Variants in MALRD1 observed in about 807,000 individuals in gnomAD.
MALRD1 encodes MAM and LDL receptor class A domain containing 1.
A neutral mutation model predicts 242.1 loss-of-function variants in MALRD1; 247 were observed. That is an observed-to-expected ratio of 1.02 (90% CI 0.92 to 1.13). The LOEUF (loss-of-function observed/expected upper bound fraction) is 1.13. MALRD1 is among the 50% of genes most tolerant of loss of function. The pLI, the probability that MALRD1 is intolerant of heterozygous loss-of-function variation, is 0.00. For synonymous variants in MALRD1, 995 were observed against 866.6 expected, an observed-to-expected ratio of 1.15 and a Z score of -2.60; for missense variants, 2,989 against 2,533.1, an observed-to-expected ratio of 1.18 and a Z score of -3.86.
At chr10:19,407,640 A>T (rs939639387) in intron 28 of MALRD1, among the ~76,000 whole-genome samples, 3 of 152,230 alleles carry the variant, frequency 2.0e-5, no homozygotes, top group African/African-American at 4.8e-5. Context: ...AGTGATCAGG[A>T]TAATGCAAAT....
At chr10:19,349,521 A>C (rs528048106) in intron 25 of MALRD1, among the ~76,000 whole-genome samples, 1 of 152,326 alleles carries the variant, frequency 6.6e-6, no homozygotes, top group South Asian at 2.1e-4. Context: ...TTTCAGTGAC[A>C]GAACTTGGTC....
intron 21 of MALRD1, among the ~76,000 whole-genome samples, chr10:19,293,805 C>T (rs1841561666): frequency 6.6e-6 from 1 of 152,058 alleles, no homozygotes; most frequent in African/African-American, 2.4e-5. Context: ...ACTTGGGTAC[C>T]AGCGTTATTA....
intron 36 of MALRD1, among the ~76,000 whole-genome samples, chr10:19,621,337 AGT>A (rs1461247181): frequency 2.4e-5 from 3 of 125,808 alleles, no homozygotes; most frequent in African/African-American, 9.1e-5. Context: ...TTAAAGTCTA[AGT>A]GTAAAAATAT....
Position 19,311,251 on chromosome 10 carries a change from A to C in MALRD1, c.3420-12698A>C, listed in dbSNP as rs116728623. Among the ~76,000 whole-genome samples the C allele has an allele frequency of 9.8e-3, 1,479 of 151,458 alleles. 21 individuals carry two copies. The highest frequency in any genetic ancestry group is 0.033 in the African/African-American group (1,365 of 41,430). On this transcript the variant is annotated intron_variant, in intron 21 of 39. Transcript: ENST00000454679. ...ATGCACAGATATGTTACTTTTATTA[A>C]CCTTGGTTATATTTTTCATGAGTAT...
At chr10:19,567,244 A>C (rs1564446269) in intron 32 of MALRD1, among the ~76,000 whole-genome samples, 1 of 152,132 alleles carries the variant, frequency 6.6e-6, no homozygotes, top group African/African-American at 2.4e-5. Flanking sequence ...TGCTTAAGAC[A>C]GTTACGGTTT....
At chr10:19,231,129 GA>G (rs1226714784) in intron 18 of MALRD1, among the ~76,000 whole-genome samples, 1 of 152,076 alleles carries the variant, frequency 6.6e-6, no homozygotes, top group African/African-American at 2.4e-5. Context: ...CATCCTTGGG[GA>G]CAACTCGTAT....
At chr10:19,473,458 C>G (rs1589131088) in intron 29 of MALRD1, among the ~76,000 whole-genome samples, 1 of 151,800 alleles carries the variant, frequency 6.6e-6, no homozygotes, top group East Asian at 1.9e-4. Flanking sequence ...AATTCTGTAC[C>G]TGTTGACAAT....
At chr10:19,114,651 A>C (rs1354512828) in intron 5 of MALRD1, among the ~76,000 whole-genome samples, 1 of 152,122 alleles carries the variant, frequency 6.6e-6, no homozygotes, top group African/African-American at 2.4e-5. Context: ...ATTTCCTAAA[A>C]AGACTTCTTT....
At chr10:19,272,655 G>T (rs760125188) in intron 19 of MALRD1, among the ~76,000 whole-genome samples, 4 of 152,066 alleles carry the variant, frequency 2.6e-5, no homozygotes, top group Non-Finnish European at 5.9e-5. Context: ...CATGCATTAG[G>T]TATTTGTCCT....
chr10:19,438,052 A>G (rs1440846989), intron 28 of MALRD1, among the ~76,000 whole-genome samples: 3 of 151,934 alleles, frequency 2.0e-5, no homozygotes, highest in East Asian at 3.9e-4. Flanking sequence ...ATTGTGGTAA[A>G]GTCTATTTAA....
At chr10:19,415,761 T>C (rs193196168) in intron 28 of MALRD1, among the ~76,000 whole-genome samples, 7 of 152,284 alleles carry the variant, frequency 4.6e-5, no homozygotes, top group Admixed American at 3.9e-4. Flanking sequence ...ACCAAAATTG[T>C]ATTAAGTGAA....
At chr10:19,726,725 C>T (rs1304352393) in intron 38 of MALRD1, among the ~76,000 whole-genome samples, 1 of 152,066 alleles carries the variant, frequency 6.6e-6, no homozygotes, top group Non-Finnish European at 1.5e-5. Context: ...AATGAATAAA[C>T]AAAATGTGAC....
chr10:19,234,857 AGGTGTCACGG>A (rs1564488082), intron 18 of MALRD1, among the ~76,000 whole-genome samples: 2 of 152,080 alleles, frequency 1.3e-5, no homozygotes, highest in Non-Finnish European at 2.9e-5. Context: ...CTCAGCATGG[AGGTGTCACGG>A]AAGGTGTTGT....
At chr10:19,707,234 C>CCTTCTCCTT in intron 38 of MALRD1, among the ~76,000 whole-genome samples, 1 of 152,150 alleles carries the variant, frequency 6.6e-6, no homozygotes, top group Admixed American at 6.5e-5. Context: ...TCCTTCTCCT[C>CCTTCTCCTT]CTTCTCCTTC....
At position 19,719,223 on chromosome 10, in the gene MALRD1, CATATATATATATATATATATAT is replaced by C. The variant is rs368394538; in HGVS notation, c.6315-11468_6315-11447del. ...ATATATATATATATACACATACATA[CATATATATATATATATATATAT>C]ATATATATATATATGCTATCAAATA... On this transcript the variant is annotated intron_variant, in intron 38 of 39. Coordinates refer to ENST00000454679, the MANE Select transcript of MALRD1 (RefSeq NM_001142308.3). 4.2e-3 allele frequency among the ~76,000 whole-genome samples: 323 copies of C among 76,432 alleles called. 14 individuals carry two copies. Among genetic ancestry groups the C allele is most frequent in the African/African-American group, 0.017 (295 of 17,164 alleles). 50.1% of individuals were successfully genotyped at this position (76,432 alleles called of 152,430 possible).
At chr10:19,305,200 G>A (rs975682065) in intron 21 of MALRD1, among the ~76,000 whole-genome samples, 3 of 151,538 alleles carry the variant, frequency 2.0e-5, no homozygotes, top group African/African-American at 7.3e-5. Flanking sequence ...ATCACGCAGT[G>A]GAATGAGGCA....
At chr10:19,231,277 A>G (rs1406543528) in intron 18 of MALRD1, among the ~76,000 whole-genome samples, 2 of 151,098 alleles carry the variant, frequency 1.3e-5, no homozygotes, top group Non-Finnish European at 3.0e-5. Flanking sequence ...TCACATCTCA[A>G]CTCCCTTTAT....
intron 29 of MALRD1, among the ~76,000 whole-genome samples, chr10:19,452,353 G>T (rs1168782216): frequency 3.9e-5 from 6 of 152,058 alleles, no homozygotes; most frequent in African/African-American, 7.2e-5. Context: ...AATTAATTTT[G>T]TTCAATTGAA....
intron 5 of MALRD1, among the ~76,000 whole-genome samples, chr10:19,115,511 A>C (rs1437115155): frequency 1.3e-5 from 2 of 152,184 alleles, no homozygotes; most frequent in African/African-American, 4.8e-5. Flanking sequence ...TTATAAATAA[A>C]TTTGAAAATG....
Sources: gnomAD v4.1 joint callset for allele counts (sites outside exome capture counted in the v4.1 genomes callset) on GRCh38, gnomAD v4.1.1 for gene constraint, MANE v1.5 for transcripts, NCBI Gene and HGNC (gene_info 2026-07-23, HGNC 2026-07-21) for gene names.